The following CAV3 variants were observed in gnomAD, a reference collection of about 807,000 sequenced individuals.
The protein encoded by CAV3 is caveolin 3.
A neutral mutation model predicts 13.4 loss-of-function variants in CAV3; 10 were observed. The observed-to-expected ratio is 0.75, with a 90% CI of 0.46 to 1.27. The LOEUF is 1.27. CAV3 is among the 50% of genes most tolerant of loss of function. The probability of loss-of-function intolerance (pLI) is 0.00; values close to 1 mark genes in which losing one functional copy is unlikely to be tolerated. For missense variants in CAV3, 162 were observed against 194.0 expected, an observed-to-expected ratio of 0.83 and a Z score of 0.98; for synonymous variants, 90 against 79.0, an observed-to-expected ratio of 1.14 and a Z score of -0.74.
chr3:8,736,876 T>G (rs923512130), intron 1 of CAV3, among the ~76,000 whole-genome samples: 1 of 152,172 alleles, frequency 6.6e-6, no homozygotes, highest in South Asian at 2.1e-4. Context: ...TTATTTTTAG[T>G]GAGTGAGAAA....
rs748075760 is a variant in CAV3, at chr3:8,745,866, A to G, written c.455A>G (p.Ter152=). 3.7e-6 allele frequency: 6 copies of G among 1,609,610 alleles called. No homozygotes were observed. The East Asian group carries it at 1.3e-4, about 36-fold the overall frequency. Residue 152 remains the stop codon, a stop_retained_variant, in exon 2 of 2, where the codon TAA becomes TGA. Transcript: ENST00000343849. This position sits in a 1 kb window ranked among gnomAD's most constrained non-coding sequence, Gnocchi z 4.8. ...SIKVVLRKEV[*] ...AAGGTGGTGCTGCGGAAGGAGGTCTAAAGCCAGGTGGGGCAACAGCGGTGG... is the reference window on the plus strand; with the variant it reads ...AAGGTGGTGCTGCGGAAGGAGGTCTGAAGCCAGGTGGGGCAACAGCGGTGG...
chr3:8,745,443 T>C lies in CAV3; in HGVS notation c.115-83T>C. ...AAGGTTAACCTGACCTCTAGGGGAT[T>C]CTGACACATGCACGCACACACCCAA... On this transcript the variant is annotated intron_variant, in intron 1 of 1. Transcript: ENST00000343849. The surrounding 1 kb of genome is among the most constrained non-coding windows in gnomAD (Gnocchi z 4.8). The C allele has an allele frequency of 2.8e-6, 3 of 1,060,818 alleles. No individual in the cohort carries two copies. The highest frequency in any genetic ancestry group is 1.6e-5 in the African/African-American group (1 of 63,806). 65.7% of individuals were successfully genotyped at this position (1,060,818 alleles called of 1,614,324 possible). A position where few individuals can be genotyped will look rare whatever the true frequency, so the allele number is the denominator to read the frequency against.
chr3:8,742,901 A>G (rs755804653), intron 1 of CAV3, among the ~76,000 whole-genome samples: 1 of 152,150 alleles, frequency 6.6e-6, no homozygotes, highest in Non-Finnish European at 1.5e-5. Flanking sequence ...TAAAGAAAAG[A>G]GATTTATTTT....
At chr3:8,742,533 G>T (rs1708008782) in intron 1 of CAV3, 1 of 455,200 alleles carries the variant, frequency 2.2e-6, no homozygotes, top group South Asian at 1.6e-5. Context: ...TTATAACTAA[G>T]TAGGCTGGAG....
At chr3:8,744,445 A>ATTTT (rs141816229) in intron 1 of CAV3, among the ~76,000 whole-genome samples, 17 of 111,388 alleles carry the variant, frequency 1.5e-4, no homozygotes, top group Admixed American at 3.0e-4. Flanking sequence ...TACCCGGCTA[A>ATTTT]TTTTTTTTTT....
At chr3:8,740,042 T>C (rs1279831150) in intron 1 of CAV3, among the ~76,000 whole-genome samples, 6 of 152,174 alleles carry the variant, frequency 3.9e-5, no homozygotes, top group Non-Finnish European at 7.3e-5. Flanking sequence ...TCTATCTCCA[T>C]GTAGTTTCAG....
intron 1 of CAV3, among the ~76,000 whole-genome samples, chr3:8,735,668 C>T (rs969285875): frequency 6.6e-6 from 1 of 152,214 alleles, no homozygotes; most frequent in Non-Finnish European, 1.5e-5. Context: ...AGCCTAGCCT[C>T]TCCACGTGGC....
At chr3:8,740,706 G>A (rs1707927620) in intron 1 of CAV3, among the ~76,000 whole-genome samples, 1 of 152,196 alleles carries the variant, frequency 6.6e-6, no homozygotes, top group African/African-American at 2.4e-5. Flanking sequence ...GAGGGAACTA[G>A]GATGGGGGTA....
At chr3:8,739,485 T>C (rs1434088873) in intron 1 of CAV3, among the ~76,000 whole-genome samples, 3 of 149,526 alleles carry the variant, frequency 2.0e-5, no homozygotes, top group South Asian at 2.1e-4. Flanking sequence ...CCAGGTGTAG[T>C]GGTGGGTGCC....
At chr3:8,742,552 G>A (rs901947098) in intron 1 of CAV3, 3 of 451,712 alleles carry the variant, frequency 6.6e-6, no homozygotes, top group African/African-American at 2.0e-5. Context: ...AGAATAATCC[G>A]GGATGTCAAA....
chr3:8,740,658 G>C (rs896423726), intron 1 of CAV3, among the ~76,000 whole-genome samples: 14 of 152,168 alleles, frequency 9.2e-5, no homozygotes, highest in African/African-American at 3.4e-4. Context: ...GGTGTCCTAG[G>C]TCCCTTAAGG....
chr3:8,736,460 GCCAGGAGCCTGCGTCATGC>G (rs900033484), intron 1 of CAV3, among the ~76,000 whole-genome samples: 22 of 152,354 alleles, frequency 1.4e-4, no homozygotes, highest in African/African-American at 5.0e-4. Flanking sequence ...AGAGAGCTAA[GCCAGGAGCCTGCGTCATGC>G]CCAGGTAGCC....
chr3:8,746,137 T>C lies in CAV3; in HGVS notation c.*270T>C. The C allele has an allele frequency of 2.2e-6, 1 of 451,372 alleles. No homozygotes were observed. The highest frequency in any genetic ancestry group is 4.0e-6 in the Non-Finnish European group (1 of 247,762). The allele number at this position is 451,372 out of a possible 1,614,324, so 28.0% of individuals were successfully genotyped here. ...TTTGCCAAGAGGCAGCTACTGCAAG[T>C]CTTTGCGTTCACTTGTACTGTAACA... On this transcript the variant is annotated 3_prime_UTR_variant, in exon 2 of 2. Transcript: ENST00000343849.
chr3:8,738,067 CTT>C (rs1213086206), intron 1 of CAV3, among the ~76,000 whole-genome samples: 3 of 151,912 alleles, frequency 2.0e-5, no homozygotes, highest in African/African-American at 7.3e-5. Context: ...CTCTCTCTCT[CTT>C]CTCTCTCTAT....
chr3:8,733,844 G>T lies in CAV3; in HGVS notation c.-33G>T, dbSNP rs72546666. The T allele has an allele frequency of 3.9e-4, 540 of 1,372,802 alleles. 2 individuals carry two copies. The East Asian group carries it at 0.012, about 30-fold the overall frequency. The allele number at this position is 1,372,802 out of a possible 1,614,324, so 85.0% of individuals were successfully genotyped here. On this transcript the variant is annotated 5_prime_UTR_variant, in exon 1 of 2. Coordinates refer to ENST00000343849, the MANE Select transcript of CAV3 (RefSeq NM_033337.3). The stretch of plus-strand genomic sequence containing the variant: ...TCAGCCCCAGCCGGCCACACAGCTC[G>T]GATCTCCTCCTGTGGATCCCCCCAG...
intron 1 of CAV3, among the ~76,000 whole-genome samples, chr3:8,740,303 C>T (rs1173292911): frequency 6.6e-6 from 1 of 151,964 alleles, no homozygotes; most frequent in Non-Finnish European, 1.5e-5. Context: ...GATGAGACTA[C>T]CTGAGGACAA....
At chr3:8,740,988 G>T (rs930510296) in intron 1 of CAV3, among the ~76,000 whole-genome samples, 3 of 152,238 alleles carry the variant, frequency 2.0e-5, no homozygotes, top group Non-Finnish European at 4.4e-5. Context: ...AAACTGACAT[G>T]CATAAAGGGC....
chr3:8,743,504 A>G (rs1314557782), intron 1 of CAV3, among the ~76,000 whole-genome samples: 2 of 152,118 alleles, frequency 1.3e-5, no homozygotes, highest in Non-Finnish European at 2.9e-5. Flanking sequence ...TGCATAAGAG[A>G]TTAAGTCATC....
chr3:8,745,651 G>T lies in CAV3; in HGVS notation c.240G>T (p.Leu80=). The part of the protein sequence containing the change: ...YWCYRLLSTL[L]GVPLALLWGF... ...GCTACCGTCTGTTGTCCACGCTGCT[G>T]GGCGTCCCACTGGCCCTGCTCTGGG... Residue 80 remains leucine (L), a synonymous_variant, in exon 2 of 2, where the codon CTG becomes CTT. Transcript: ENST00000343849. This position sits in a 1 kb window ranked among gnomAD's most constrained non-coding sequence, Gnocchi z 4.8. The T allele has an allele frequency of 2.5e-6, 4 of 1,614,098 alleles. No individual in the cohort carries two copies. Among genetic ancestry groups the T allele is most frequent in the Non-Finnish European group, 3.4e-6 (4 of 1,179,998 alleles).
Sources: allele counts gnomAD v4.1 joint callset (sites outside exome capture counted in the v4.1 genomes callset), GRCh38; gene constraint gnomAD v4.1.1; non-coding constraint Gnocchi (gnomAD v3.1); transcripts MANE v1.5; gene names NCBI Gene and HGNC (gene_info 2026-07-23, HGNC 2026-07-21).